Variants in GIPC2 observed in about 807,000 individuals in gnomAD.
GIPC2 encodes PDZ domain-containing protein GIPC2.
In GIPC2, 30 loss-of-function variants were observed where a neutral mutation model predicts 30.6. That is an observed-to-expected ratio of 0.98 (90% CI 0.73 to 1.33). The LOEUF is 1.33. Among genes scored for constraint, GIPC2 ranks in the 40% most tolerant of loss-of-function variants. The pLI is 0.00. For synonymous variants in GIPC2, 167 were observed against 150.0 expected, an observed-to-expected ratio of 1.11 and a Z score of -0.83; for missense variants, 414 against 390.3, an observed-to-expected ratio of 1.06 and a Z score of -0.51.
At chr1:78,086,553 A>T (rs1272618997) in intron 2 of GIPC2, among the ~76,000 whole-genome samples, 1 of 152,048 alleles carries the variant, frequency 6.6e-6, no homozygotes, top group Non-Finnish European at 1.5e-5. Context: ...GTTCTGTGGG[A>T]GTCTGTGTCT....
intron 3 of GIPC2, among the ~76,000 whole-genome samples, chr1:78,097,923 C>T (rs1483684047): frequency 6.6e-6 from 1 of 152,130 alleles, no homozygotes; most frequent in Non-Finnish European, 1.5e-5. Context: ...AGGTCTTGTA[C>T]CCATCTTGAT....
upstream of GIPC2, among the ~76,000 whole-genome samples, chr1:78,045,366 C>T (rs1387669450): frequency 6.6e-6 from 1 of 152,134 alleles, no homozygotes; most frequent in Non-Finnish European, 1.5e-5. Context: ...ACACTTCACA[C>T]CGAATGGCCT....
At chr1:78,123,811 A>G (rs968506705) in intron 4 of GIPC2, among the ~76,000 whole-genome samples, 5 of 152,228 alleles carry the variant, frequency 3.3e-5, no homozygotes, top group Non-Finnish European at 5.9e-5. Context: ...ACGTGCCTGG[A>G]TAGATATAAA....
At chr1:78,089,886 A>T (rs2100365238) in intron 2 of GIPC2, among the ~76,000 whole-genome samples, 1 of 152,358 alleles carries the variant, frequency 6.6e-6, no homozygotes, top group East Asian at 1.9e-4. Context: ...CTACTTAACT[A>T]AGCCCATGTA....
chr1:78,085,736 T>C (rs1661916472), intron 2 of GIPC2, among the ~76,000 whole-genome samples: 1 of 152,036 alleles, frequency 6.6e-6, no homozygotes, highest in Admixed American at 6.5e-5. Context: ...CTGATGGTTA[T>C]TTTTATTTCT....
chr1:78,119,431 G>GA lies in GIPC2; in HGVS notation c.652dup (p.Ile218AsnfsTer24). 6.8e-6 allele frequency: 11 copies of GA among 1,612,898 alleles called. No individual in the cohort carries two copies. The highest frequency in any genetic ancestry group is 1.7e-5 in the Admixed American group (1 of 60,000). On this transcript the variant is annotated frameshift_variant, in exon 4 of 6. Transcript: ENST00000370759. LOFTEE classifies it high-confidence loss of function. Reference sequence around the variant, plus strand: ...GTCAAAGGCTGGAAAGTCATCAGGAGAAAAAATTGGTTGTGGAAGGGCAAC... The same window carrying GA: ...GTCAAAGGCTGGAAAGTCATCAGGAGAAAAAAATTGGTTGTGGAAGGGCAAC...
chr1:78,057,586 A>T (rs60883538), intron 1 of GIPC2, among the ~76,000 whole-genome samples: 10,464 of 152,210 alleles, frequency 0.069, 585 homozygotes, highest in African/African-American at 0.15. Context: ...AGAACTAAAA[A>T]CCCTGTAATA....
In GIPC2 at chr1:78,095,052, A is replaced by G. The variant is rs1557540829; in HGVS notation, c.527A>G (p.Tyr176Cys). Residue 176 changes from tyrosine to cysteine, a missense_variant, in exon 3 of 6, where the codon TAT (tyrosine) becomes TGT (cysteine). By Grantham distance (194) the Tyr-to-Cys change is radical (BLOSUM62 -2). Transcript: ENST00000370759. ...NGENIVGWRH[Y>C]DVAKKLKELK... Reference sequence around the variant, plus strand: ...GAAAATATTGTTGGGTGGCGTCACTATGATGTTGCTAAGAAGTTAAAGGAA... The same window carrying G: ...GAAAATATTGTTGGGTGGCGTCACTGTGATGTTGCTAAGAAGTTAAAGGAA... 1.2e-6 allele frequency: 2 copies of G among 1,608,614 alleles called. No individual in the cohort carries two copies. The highest frequency in any genetic ancestry group is 1.1e-5 in the South Asian group (1 of 90,946).
chr1:78,123,165 C>T (rs1662715040), intron 4 of GIPC2, among the ~76,000 whole-genome samples: 1 of 147,642 alleles, frequency 6.8e-6, no homozygotes, highest in Non-Finnish European at 1.5e-5. Flanking sequence ...GAGGCTGAGG[C>T]AGGAGAATCA....
At chr1:78,100,345 G>A (rs950583735) in intron 3 of GIPC2, among the ~76,000 whole-genome samples, 3 of 152,158 alleles carry the variant, frequency 2.0e-5, no homozygotes, top group Non-Finnish European at 4.4e-5. Flanking sequence ...CTGTAAGTCA[G>A]GGCTCTTTAT....
At chr1:78,062,962 A>ATATCTTTGACTTGAGGTC (rs1661421999) in intron 1 of GIPC2, among the ~76,000 whole-genome samples, 1 of 152,170 alleles carries the variant, frequency 6.6e-6, no homozygotes, top group Non-Finnish European at 1.5e-5. Flanking sequence ...GCCCAGAGGG[A>ATATCTTTGACTTGAGGTC]TATCTTTGAC....
intron 1 of GIPC2, among the ~76,000 whole-genome samples, chr1:78,058,273 C>T (rs1661332521): frequency 2.6e-5 from 4 of 152,112 alleles, no homozygotes; most frequent in Admixed American, 2.6e-4. Flanking sequence ...GTGAGGGGTA[C>T]ATGAAAAATC....
At chr1:78,082,325 A>G (rs976364499) in intron 2 of GIPC2, among the ~76,000 whole-genome samples, 1 of 152,182 alleles carries the variant, frequency 6.6e-6, no homozygotes, top group African/African-American at 2.4e-5. Context: ...TTTTGTCCAA[A>G]TCTTGATTTG....
At position 78,095,144 on chromosome 1, in the gene GIPC2, G is replaced by A; in HGVS notation, c.607+12G>A. ...TAAGAAGGCATTTGGTAAGTCAGGG[G>A]TTGGTGGGCGGGTGTGTGAAATGTT... is the stretch of plus-strand genomic sequence containing the variant. On this transcript the variant is annotated intron_variant, in intron 3 of 5. Coordinates refer to ENST00000370759, the MANE Select transcript of GIPC2 (RefSeq NM_017655.6). 6.3e-7 allele frequency: 1 copy of A among 1,595,758 alleles called. No homozygotes were observed.
Position 78,094,414 on chromosome 1 carries a change from A to G in GIPC2, c.427-538A>G, listed in dbSNP as rs553945536. 2.6e-5 allele frequency among the ~76,000 whole-genome samples: 4 copies of G among 152,362 alleles called. No individual in the cohort carries two copies. The East Asian group carries it at 5.8e-4, about 22-fold the overall frequency. On this transcript the variant is annotated intron_variant, in intron 2 of 5. Transcript: ENST00000370759. ...GCACTGTGGTATGTTGAATCTGGCA[A>G]ATTACTTGATCTTCTGAAGCTTTAA...
At chr1:78,114,742 T>C (rs1662537451) in intron 3 of GIPC2, among the ~76,000 whole-genome samples, 1 of 152,208 alleles carries the variant, frequency 6.6e-6, no homozygotes, top group African/African-American at 2.4e-5. Flanking sequence ...ATAATATACA[T>C]TTATTCAAAT....
intron 2 of GIPC2, chr1:78,092,024 C>G (rs758283720): frequency 1.4e-4 from 219 of 1,527,184 alleles, no homozygotes; most frequent in Admixed American, 3.2e-4. Context: ...TTCATCAGGA[C>G]TCATCGCCCT....
At chr1:78,058,263 G>A (rs1331612019) in intron 1 of GIPC2, among the ~76,000 whole-genome samples, 3 of 152,146 alleles carry the variant, frequency 2.0e-5, no homozygotes, top group South Asian at 4.1e-4. Flanking sequence ...AAAGGTTGTC[G>A]TGAGGGGTAC....
intron 3 of GIPC2, among the ~76,000 whole-genome samples, chr1:78,096,837 A>T (rs1228618612): frequency 6.6e-6 from 1 of 152,242 alleles, no homozygotes; most frequent in Non-Finnish European, 1.5e-5. Context: ...TGGTTAGAAC[A>T]TCCAGAGATT....
Sources: gnomAD v4.1 joint callset for allele counts (sites outside exome capture counted in the v4.1 genomes callset) on GRCh38, gnomAD v4.1.1 for gene constraint, MANE v1.5 for transcripts, NCBI Gene and HGNC (gene_info 2026-07-23, HGNC 2026-07-21) for gene names.